The following COL6A3 variants were observed in gnomAD, a reference collection of about 807,000 sequenced individuals.
COL6A3 encodes the protein collagen alpha-3(VI) chain.
Under a neutral mutation model 274.1 loss-of-function variants are expected in COL6A3, and 137 were observed. That is an observed-to-expected ratio of 0.50 (90% CI 0.44 to 0.58). The LOEUF (loss-of-function observed/expected upper bound fraction) is 0.58. Among genes scored for constraint, COL6A3 ranks in the 20% least tolerant of loss-of-function variants. The pLI is 0.00. For missense variants in COL6A3, 3,950 were observed against 4,124.9 expected (o/e 0.96, Z 1.16); for synonymous variants, 1,650 against 1,650.6 (o/e 1.00, Z 0.01).
chr2:237,391,780 C>T (rs538865889), intron 3 of COL6A3, among the ~76,000 whole-genome samples: 3 of 152,358 alleles, frequency 2.0e-5, no homozygotes, highest in Admixed American at 1.3e-4. Flanking sequence ...CCGTCTCAGC[C>T]TCCCAAAGTG....
Position 237,336,601 on chromosome 2 carries a change from A to G in COL6A3, c.8568-69T>C, listed in dbSNP as rs998678462. ...CTAAAATAAATAAAGACATAACCCC[A>G]TGAGCTACATTAAATTTGTTTTAGC... is the stretch of plus-strand genomic sequence containing the variant. On this transcript the variant is annotated intron_variant, in intron 39 of 43. Coordinates refer to ENST00000295550, the MANE Select transcript of COL6A3 (RefSeq NM_004369.4). 3.9e-6 allele frequency: 6 copies of G among 1,531,856 alleles called. No homozygotes were observed. In the South Asian group the frequency reaches 5.7e-5, roughly 15 times the overall value. The allele number at this position is 1,531,856 out of a possible 1,614,324, so 94.9% of individuals were successfully genotyped here. A position where few individuals can be genotyped will look rare whatever the true frequency, so the allele number is the denominator to read the frequency against.
At chr2:237,412,832 G>A (rs2078889362) in intron 1 of COL6A3, among the ~76,000 whole-genome samples, 1 of 152,108 alleles carries the variant, frequency 6.6e-6, no homozygotes, top group South Asian at 2.1e-4. Flanking sequence ...TATGTGGGGA[G>A]AGAAGCCAGT....
In COL6A3 at chr2:237,340,954, A is replaced by G. The variant is rs772676484; in HGVS notation, c.7962T>C (p.Asp2654=). 5 of 1,614,050 alleles carry G rather than the reference A, an allele frequency of 3.1e-6. No individual in the cohort carries two copies. Among genetic ancestry groups the G allele is most frequent in the Non-Finnish European group, 3.4e-6 (4 of 1,179,978 alleles). ...TGGCGAAGTGCTGGGAGGCCTTGGG[A>G]TCTGGGCTCATGTCCAGTTGTCTGA... is the stretch of plus-strand genomic sequence containing the variant. The part of the protein sequence containing the change: ...YLVRQLDMSP[D]PKASQHFARV... Residue 2654 remains aspartate (D), a synonymous_variant, in exon 38 of 44, where the codon GAT becomes GAC. Transcript: ENST00000295550.
chr2:237,326,902 T>A (rs942332407), intron 42 of COL6A3: 1 of 152,268 alleles, frequency 6.6e-6, no homozygotes, highest in Non-Finnish European at 1.5e-5. Context: ...AGGCTCAGAA[T>A]TGGTCTAAAA....
At position 237,394,960 on chromosome 2, in the gene COL6A3, A is replaced by T. The variant is rs1385410298; in HGVS notation, c.336T>A (p.Ile112=). 1.2e-6 allele frequency: 2 copies of T among 1,614,120 alleles called. No homozygotes were observed. The highest frequency in any genetic ancestry group is 1.1e-5 in the South Asian group (1 of 91,062). Residue 112 remains isoleucine, a synonymous_variant, in exon 3 of 44, where the codon ATT becomes ATA. Transcript: ENST00000295550. The part of the protein sequence containing the change: ...VLSHISNMSY[I]GGTNQTGKGL... ...CTTTTCCAGTCTGATTGGTTCCCCC[A>T]ATATAAGACATGTTGGAAATATGAG...
rs773737820 is a variant in COL6A3, at chr2:237,361,847, G to T, written c.6064-16C>A. The stretch of plus-strand genomic sequence containing the variant: ...CAATGTTGTCCTACCGAAAGGAAGA[G>T]AAACCAAATGTTCAGATCTCAAGAA... On this transcript the variant is annotated splice_polypyrimidine_tract_variant and intron_variant, in intron 14 of 43. Transcript: ENST00000295550. The surrounding 1 kb of genome is among the most constrained non-coding windows in gnomAD (Gnocchi z 5.1). 27 of 1,608,678 alleles carry T rather than the reference G, an allele frequency of 1.7e-5. No homozygotes were observed. Among genetic ancestry groups the T allele is most frequent in the Admixed American group, 3.3e-5 (2 of 60,000 alleles).
intron 3 of COL6A3, among the ~76,000 whole-genome samples, chr2:237,392,589 G>A (rs1350870292): frequency 6.6e-6 from 1 of 152,152 alleles, no homozygotes; most frequent in African/African-American, 2.4e-5. Flanking sequence ...AGAAAAATCT[G>A]TTCATAAATC....
chr2:237,365,857 C>T lies in COL6A3; in HGVS notation c.5679G>A (p.Thr1893=), dbSNP rs149151423. The T allele has an allele frequency of 9.4e-5, 152 of 1,614,068 alleles. No individual in the cohort carries two copies. Among genetic ancestry groups the T allele is most frequent in the South Asian group, 1.5e-4 (14 of 91,086 alleles). ...PTVRVSVVAN[T]PSGPVEAFDF... The stretch of plus-strand genomic sequence containing the variant: ...CAAAGGCCTCCACCGGGCCCGAGGG[C>T]GTGTTGGCCACCACTGACACACGCA... Residue 1893 remains threonine (T), a synonymous_variant, in exon 12 of 44, where the codon ACG becomes ACA. Coordinates refer to ENST00000295550, the MANE Select transcript of COL6A3 (RefSeq NM_004369.4).
rs142056292 is a variant in COL6A3 at position 237,383,555 on chromosome 2, G to A, written c.1313-2056C>T. Among the ~76,000 whole-genome samples the A allele has an allele frequency of 5.5e-4, 83 of 151,568 alleles. 1 individual carries two copies. The East Asian group carries it at 0.011, about 20-fold the overall frequency. On this transcript the variant is annotated intron_variant, in intron 4 of 43. Coordinates refer to ENST00000295550, the MANE Select transcript of COL6A3 (RefSeq NM_004369.4). ...TATGTATATAGATACACACATACAC[G>A]TATATAGACACATATAAATTCCATA...
At position 237,368,413 on chromosome 2, in the gene COL6A3, G is replaced by C; in HGVS notation, c.4900+150C>G. 1 of 982,012 alleles carries C rather than the reference G, an allele frequency of 1.0e-6. No individual in the cohort carries two copies. The highest frequency in any genetic ancestry group is 2.6e-5 in the East Asian group (1 of 37,968). 60.8% of individuals were successfully genotyped at this position (982,012 alleles called of 1,614,324 possible). On this transcript the variant is annotated intron_variant, in intron 10 of 43. Coordinates refer to ENST00000295550, the MANE Select transcript of COL6A3 (RefSeq NM_004369.4). The surrounding 1 kb of genome is among the most constrained non-coding windows in gnomAD (Gnocchi z 4.4). Reference sequence around the variant, plus strand: ...TATGCTTCCTTCTGCAATTTCAATGGAACTACTTTTCCAGTATTTAATTTC... The same window carrying C: ...TATGCTTCCTTCTGCAATTTCAATGCAACTACTTTTCCAGTATTTAATTTC...
chr2:237,367,060 C>T lies in COL6A3; in HGVS notation c.5127G>A (p.Val1709=), dbSNP rs747509514. ...TGGCGTGTCTTCCCCCTTTGTAGAC[C>T]ACTTTGTTGATGGCGTCAATAATCT... ...KRQIIDAINK[V]VYKGGRHANT... is the part of the protein sequence containing the mutation. Residue 1709 remains valine, a synonymous_variant, in exon 11 of 44, where the codon GTG becomes GTA. Coordinates refer to ENST00000295550, the MANE Select transcript of COL6A3 (RefSeq NM_004369.4). 9.9e-6 allele frequency: 16 copies of T among 1,614,094 alleles called. No homozygotes were observed. In the Admixed American group the frequency reaches 2.2e-4, roughly 22 times the overall value.
chr2:237,363,450 A>G, intron 13 of COL6A3, 52 bp from the exon 14 acceptor site: 1 of 1,605,730 alleles, frequency 6.2e-7, no homozygotes, highest in South Asian at 1.1e-5. Flanking sequence ...TGGAAAATGC[A>G]ATGTCCTTTT....
Position 237,336,240 on chromosome 2 carries a change from G to C in COL6A3, c.8860C>G (p.Pro2954Ala), listed in dbSNP as rs916143029. The change falls in exon 40 of 44, where the codon CCC (proline) becomes GCC (alanine). Residue 2954 changes from proline to alanine, a missense_variant. Pro to Ala is a conservative substitution (Grantham distance 27). Transcript: ENST00000295550. ...GGTTTTGCAGCAGCAGCAGCGGGGG[G>C]TCTTACAGCTGCTGGCTTTGCTGCT... ...PVAAKPAAVR[P>A]PAAAAAKPVA... 6.2e-7 allele frequency: 1 copy of C among 1,613,886 alleles called. No individual in the cohort carries two copies. Among genetic ancestry groups the C allele is most frequent in the Non-Finnish European group, 8.5e-7 (1 of 1,179,994 alleles).
chr2:237,324,557 G>A lies in COL6A3; in HGVS notation c.*217C>T, dbSNP rs1198333871. ...CTGTTACACAACATTCAAAGTATTC[G>A]AGAGAACTGCCTGGAGACAGAGAGC... On this transcript the variant is annotated 3_prime_UTR_variant, in exon 44 of 44. Coordinates refer to ENST00000295550, the MANE Select transcript of COL6A3 (RefSeq NM_004369.4). 2.1e-5 allele frequency: 12 copies of A among 560,450 alleles called. No homozygotes were observed. The highest frequency in any genetic ancestry group is 4.3e-5 in the South Asian group (2 of 45,984). The allele number at this position is 560,450 out of a possible 1,614,324, so 34.7% of individuals were successfully genotyped here.
chr2:237,403,632 C>G (rs756945066), intron 1 of COL6A3, among the ~76,000 whole-genome samples: 2 of 151,970 alleles, frequency 1.3e-5, no homozygotes, highest in Non-Finnish European at 2.9e-5. Context: ...ATTTTTTTTC[C>G]CTTGCAATGG....
rs794727591 is a variant in COL6A3 at position 237,344,504 on chromosome 2, C to A, written c.7514G>T (p.Gly2505Val). The A allele has an allele frequency of 2.5e-6, 4 of 1,614,080 alleles. No homozygotes were observed. The highest frequency in any genetic ancestry group is 1.3e-5 in the African/African-American group (1 of 74,926). The change falls in exon 36 of 44, where the codon GGA becomes GTA. Residue 2505 changes from glycine (G) to valine (V), a missense_variant. This residue lies in a region of COL6A3 where 1,284 missense variants were observed against 1,349.7 expected (regional missense o/e 0.95). Transcript: ENST00000295550. The surrounding 1 kb of genome is among the most constrained non-coding windows in gnomAD (Gnocchi z 4.8). ...AACAGCCACTTTCCTCATTAGGAAT[C>A]CGTTCCTCACACGCTTAAATGTGTT... The part of the protein sequence containing the change: ...ARNTFKRVRN[G>V]FLMRKVAVFF...
chr2:237,406,197 G>T (rs2078715252), intron 1 of COL6A3, among the ~76,000 whole-genome samples: 1 of 152,094 alleles, frequency 6.6e-6, no homozygotes, highest in African/African-American at 2.4e-5. Flanking sequence ...CAATGAATAT[G>T]ATTTCCCAAG....
chr2:237,361,506 A>G lies in COL6A3; in HGVS notation c.6156+233T>C, dbSNP rs1438553861. Among the ~76,000 whole-genome samples the G allele has an allele frequency of 1.3e-5, 2 of 152,192 alleles. No individual in the cohort carries two copies. The highest frequency in any genetic ancestry group is 4.8e-5 in the African/African-American group (2 of 41,458). On this transcript the variant is annotated intron_variant, in intron 15 of 43. Coordinates refer to ENST00000295550, the MANE Select transcript of COL6A3 (RefSeq NM_004369.4). This position sits in a 1 kb window ranked among gnomAD's most constrained non-coding sequence, Gnocchi z 5.1. ...GAAGGACCAAGCTGTTAAAGCACAG[A>G]TCCCCTTATCCTGTGCAAAAGGAGG...
At chr2:237,367,620 T>A (rs774800500) in intron 10 of COL6A3, among the ~76,000 whole-genome samples, 11 of 152,240 alleles carry the variant, frequency 7.2e-5, no homozygotes, top group Non-Finnish European at 1.5e-4. Context: ...GGGACCTGGC[T>A]TTGACATTTG....
Sources: gnomAD v4.1 joint callset for allele counts (sites outside exome capture counted in the v4.1 genomes callset) on GRCh38, gnomAD v4.1.1 for gene constraint, gnomAD v4.1.1 regional missense constraint, Gnocchi (gnomAD v3.1) non-coding constraint, MANE v1.5 for transcripts, NCBI Gene and HGNC (gene_info 2026-07-23, HGNC 2026-07-21) for gene names.